The following UVRAG variants were observed in gnomAD, a reference collection of about 807,000 sequenced individuals.
UVRAG encodes the protein UV radiation resistance associated.
In UVRAG, 19 loss-of-function variants were observed where a neutral mutation model predicts 78.0. The observed-to-expected ratio is 0.24, with a 90% CI of 0.17 to 0.36. The LOEUF is 0.36. Among genes scored for constraint, UVRAG ranks in the 10% least tolerant of loss-of-function variants. UVRAG has a pLI of 1.00. For missense variants in UVRAG, 740 were observed against 853.8 expected (o/e 0.87, Z 1.66); for synonymous variants, 323 against 324.6 (o/e 1.00, Z 0.05).
intron 6 of UVRAG, among the ~76,000 whole-genome samples, chr11:75,945,532 G>T (rs974602932): frequency 2.0e-5 from 3 of 152,070 alleles, no homozygotes; most frequent in Admixed American, 2.0e-4. Flanking sequence ...CTTCCAAAAT[G>T]AATTTGTGGG....
intron 12 of UVRAG, among the ~76,000 whole-genome samples, chr11:76,046,578 A>G (rs1950761280): frequency 6.6e-6 from 1 of 152,240 alleles, no homozygotes; most frequent in African/African-American, 2.4e-5. Flanking sequence ...ACATGGTTAT[A>G]ATACTGTAAT....
intron 1 of UVRAG, among the ~76,000 whole-genome samples, chr11:75,850,735 G>T (rs1946138620): frequency 6.6e-6 from 1 of 152,232 alleles, no homozygotes; most frequent in Non-Finnish European, 1.5e-5. Context: ...AATCCAGGGT[G>T]TGAAATGGAA....
intron 3 of UVRAG, among the ~76,000 whole-genome samples, chr11:75,866,579 A>G (rs1181133000): frequency 1.3e-5 from 2 of 151,932 alleles, no homozygotes; most frequent in African/African-American, 4.8e-5. Flanking sequence ...AAAACTAAAT[A>G]AAAAACTTTG....
intron 1 of UVRAG, among the ~76,000 whole-genome samples, chr11:75,829,517 A>C (rs1414338671): frequency 6.6e-6 from 1 of 152,234 alleles, no homozygotes; most frequent in East Asian, 1.9e-4. Flanking sequence ...AAGTTGCACA[A>C]ATGTGAATGC....
At chr11:75,930,697 G>T (rs900636140) in intron 6 of UVRAG, among the ~76,000 whole-genome samples, 1 of 152,210 alleles carries the variant, frequency 6.6e-6, no homozygotes, top group African/African-American at 2.4e-5. Flanking sequence ...AATGTAAGCA[G>T]ATTTTGATGG....
chr11:76,112,802 C>A (rs1952101721), intron 13 of UVRAG, among the ~76,000 whole-genome samples: 1 of 151,606 alleles, frequency 6.6e-6, no homozygotes, highest in Admixed American at 6.6e-5. Flanking sequence ...TCTCAGCTCA[C>A]TGCAGCCTCA....
At chr11:75,938,705 C>T (rs915879775) in intron 6 of UVRAG, among the ~76,000 whole-genome samples, 1 of 152,120 alleles carries the variant, frequency 6.6e-6, no homozygotes, top group South Asian at 2.1e-4. Context: ...TTTTTGTTTC[C>T]TCTGTCTAAT....
At chr11:75,837,182 C>T (rs1409267189) in intron 1 of UVRAG, among the ~76,000 whole-genome samples, 1 of 152,206 alleles carries the variant, frequency 6.6e-6, no homozygotes, top group East Asian at 1.9e-4. Context: ...AAAAAATTAG[C>T]CGAGCGTGGT....
Position 75,854,502 on chromosome 11 carries a change from C to T in UVRAG, c.235+2502C>T, listed in dbSNP as rs148403648. On this transcript the variant is annotated intron_variant, in intron 2 of 14. Coordinates refer to ENST00000356136, the MANE Select transcript of UVRAG (RefSeq NM_003369.4). ...TGCCATCTCGGTTCACTGCAACCTCCGCCTCCCACGTTCAAGCGATTCTCC... is the reference window on the plus strand; with the variant it reads ...TGCCATCTCGGTTCACTGCAACCTCTGCCTCCCACGTTCAAGCGATTCTCC... Among the ~76,000 whole-genome samples the T allele has an allele frequency of 7.5e-3, 1,137 of 152,098 alleles. 7 individuals carry two copies. Among genetic ancestry groups the T allele is most frequent in the Middle Eastern group, 0.024 (7 of 294 alleles).
chr11:76,095,685 T>G (rs1178272763), intron 13 of UVRAG, among the ~76,000 whole-genome samples: 3 of 151,548 alleles, frequency 2.0e-5, no homozygotes, highest in Non-Finnish European at 4.4e-5. Context: ...TCGGGCAACA[T>G]AGTGAGACCC....
chr11:75,822,679 T>A (rs77646977), intron 1 of UVRAG, among the ~76,000 whole-genome samples: 2,530 of 151,092 alleles, frequency 0.017, 76 homozygotes, highest in African/African-American at 0.059. Context: ...TTTTTTTTTT[T>A]AAATAAACAA....
At chr11:75,875,425 A>C (rs1463408173) in intron 3 of UVRAG, among the ~76,000 whole-genome samples, 1 of 140,382 alleles carries the variant, frequency 7.1e-6, no homozygotes, top group Non-Finnish European at 1.5e-5. Flanking sequence ...ATATGGTTTT[A>C]TTTATCTTGC....
intron 6 of UVRAG, among the ~76,000 whole-genome samples, chr11:75,931,494 T>C (rs534634865): frequency 9.2e-5 from 14 of 152,112 alleles, no homozygotes; most frequent in Non-Finnish European, 1.9e-4. Flanking sequence ...TAGCCCCCAA[T>C]TGCACCTGGC....
chr11:76,055,536 T>G (rs1015865333), intron 12 of UVRAG, among the ~76,000 whole-genome samples: 5 of 152,166 alleles, frequency 3.3e-5, no homozygotes, highest in African/African-American at 1.2e-4. Flanking sequence ...ATCTTTCCAT[T>G]TATCTATCTG....
intron 1 of UVRAG, among the ~76,000 whole-genome samples, chr11:75,839,799 ATG>A (rs34732860): frequency 6.8e-6 from 1 of 148,126 alleles, no homozygotes; most frequent in Non-Finnish European, 1.5e-5. Context: ...CAAGTAGTGT[ATG>A]TGTGTGTGTT....
Position 76,142,620 on chromosome 11 carries a change from T to C in UVRAG, c.*1207T>C, listed in dbSNP as rs1952742544. ...AAAATTTATCCATATATCCATGTATTATATAGAAGAATAAAAATTGAGTTT... is the reference window on the plus strand; with the variant it reads ...AAAATTTATCCATATATCCATGTATCATATAGAAGAATAAAAATTGAGTTT... On this transcript the variant is annotated 3_prime_UTR_variant, in exon 15 of 15. Coordinates refer to ENST00000356136, the MANE Select transcript of UVRAG (RefSeq NM_003369.4). 6.6e-6 allele frequency: 1 copy of C among 152,544 alleles called. No homozygotes were observed. The highest frequency in any genetic ancestry group is 2.1e-4 in the South Asian group (1 of 4,824). The allele number at this position is 152,544 out of a possible 1,614,324, so 9.4% of individuals were successfully genotyped here.
intron 4 of UVRAG, among the ~76,000 whole-genome samples, chr11:75,882,527 AT>A (rs1048332534): frequency 3.3e-5 from 5 of 151,156 alleles, no homozygotes; most frequent in Admixed American, 1.3e-4. Flanking sequence ...AAAAAAAAAA[AT>A]TTTTTTTGAA....
chr11:76,124,812 G>A (rs1362902241), intron 14 of UVRAG, among the ~76,000 whole-genome samples: 1 of 152,156 alleles, frequency 6.6e-6, no homozygotes, highest in African/African-American at 2.4e-5. Flanking sequence ...TTAAATAAAA[G>A]TATTAGAAGA....
intron 1 of UVRAG, 81 bp from the exon 2 acceptor site, chr11:75,851,802 T>A (rs1446235733): frequency 9.4e-6 from 10 of 1,063,634 alleles, no homozygotes; most frequent in South Asian, 2.8e-5. Context: ...TTATTACATT[T>A]CATTTTTGAA....
Sources: gnomAD v4.1 joint callset for allele counts (sites outside exome capture counted in the v4.1 genomes callset) on GRCh38, gnomAD v4.1.1 for gene constraint, MANE v1.5 for transcripts, NCBI Gene and HGNC (gene_info 2026-07-23, HGNC 2026-07-21) for gene names.